MYDGF: variants seen among roughly 807,000 people sequenced by gnomAD.
The protein encoded by MYDGF is myeloid derived growth factor, also known as myeloid-derived growth factor.
Under a neutral mutation model 24.2 loss-of-function variants are expected in MYDGF, and 29 were observed. That is an observed-to-expected ratio of 1.20 (90% CI 0.89 to 1.63). MYDGF has a LOEUF of 1.63. Ranked by LOEUF, MYDGF falls within the 40% of genes most tolerant of loss-of-function variation. The pLI is 0.00. For synonymous variants in MYDGF, 105 were observed against 102.5 expected (o/e 1.02, Z -0.15); for missense variants, 245 against 234.8 (o/e 1.04, Z -0.29).
chr19:4,667,462 G>T (rs2088530666), intron 2 of MYDGF, among the ~76,000 whole-genome samples: 1 of 152,148 alleles, frequency 6.6e-6, no homozygotes, highest in African/African-American at 2.4e-5. Context: ...AGTAGAGACG[G>T]GGTTTCACCA....
chr19:4,660,034 G>T, intron 4 of MYDGF, 31 bp from the exon 5 acceptor site: 1 of 1,586,632 alleles, frequency 6.3e-7, no homozygotes. Flanking sequence ...ACTTTACCAG[G>T]GCCAGTTCAA....
At chr19:4,662,226 G>A (rs1374532027) in intron 3 of MYDGF, among the ~76,000 whole-genome samples, 2 of 152,158 alleles carry the variant, frequency 1.3e-5, no homozygotes, top group African/African-American at 4.8e-5. Flanking sequence ...GTTAAACGTC[G>A]CCACTCCCTG....
intron 3 of MYDGF, among the ~76,000 whole-genome samples, chr19:4,661,333 G>A (rs2088469436): frequency 6.6e-6 from 1 of 152,226 alleles, no homozygotes; most frequent in African/African-American, 2.4e-5. Context: ...GCTGGGAGCT[G>A]CTCTGGGACA....
chr19:4,669,812 C>T (rs988280926), intron 1 of MYDGF, among the ~76,000 whole-genome samples: 1 of 152,076 alleles, frequency 6.6e-6, no homozygotes, highest in African/African-American at 2.4e-5. Flanking sequence ...GGGCAGATGC[C>T]CTTTAGCCTC....
chr19:4,657,583 A>G lies in MYDGF; in HGVS notation c.*422T>C. ...TTCTTATTTATTTAAATATGAAAAA[A>G]CATTTCATCTCTTCCCAGTTCATCT... On this transcript the variant is annotated 3_prime_UTR_variant, in exon 6 of 6. Coordinates refer to ENST00000262947, the MANE Select transcript of MYDGF (RefSeq NM_019107.4). 1 of 154,572 alleles carries G rather than the reference A, an allele frequency of 6.5e-6. No individual in the cohort carries two copies. The allele number at this position is 154,572 out of a possible 1,614,324, so 9.6% of individuals were successfully genotyped here. A position where few individuals can be genotyped will look rare whatever the true frequency, so the allele number is the denominator to read the frequency against.
chr19:4,670,102 C>T, intron 1 of MYDGF, 59 bp downstream of exon 1: 2 of 1,404,818 alleles, frequency 1.4e-6, no homozygotes, highest in African/African-American at 3.0e-5. Context: ...CCCCAATGCT[C>T]CGCGCCCCCT....
chr19:4,660,091 A>C (rs1245443397), intron 4 of MYDGF, 88 bp from the exon 5 acceptor site: 2 of 1,284,404 alleles, frequency 1.6e-6, no homozygotes, highest in African/African-American at 2.9e-5. Context: ...AGAGAAGCAC[A>C]GACTAAAGCT....
At chr19:4,668,255 A>G (rs978222576) in intron 2 of MYDGF, among the ~76,000 whole-genome samples, 4 of 152,186 alleles carry the variant, frequency 2.6e-5, no homozygotes, top group African/African-American at 9.7e-5. Flanking sequence ...CTACAAAGCT[A>G]TGAGATAATA....
In MYDGF at chr19:4,670,202, C is replaced by G. The variant is rs770110662; in HGVS notation, c.133G>C (p.Gly45Arg). 6.4e-7 allele frequency: 1 copy of G among 1,559,966 alleles called. No homozygotes were observed. ...PTTVAFDVRPGGVVHSFSHNV... is the reference protein window; with the variant it reads ...PTTVAFDVRPRGVVHSFSHNV... Reference sequence around the variant, plus strand: ...TGGGAGAAGGAATGCACGACGCCGCCGGGCCGCACGTCAAACGCCACCGTC... The same window carrying G: ...TGGGAGAAGGAATGCACGACGCCGCGGGGCCGCACGTCAAACGCCACCGTC... The change falls in exon 1 of 6, where the codon GGC (glycine) becomes CGC (arginine). Residue 45 changes from glycine to arginine, a missense_variant. Gly to Arg is a moderately radical substitution (Grantham distance 125, BLOSUM62 -2). Coordinates refer to ENST00000262947, the MANE Select transcript of MYDGF (RefSeq NM_019107.4).
In MYDGF at chr19:4,657,813, C is replaced by G. The variant is rs919952714; in HGVS notation, c.*192G>C. ...GAGAAGCTGTTGGGAGCCAGGAGGG[C>G]CCTGGACCCTCTGTTCTCTGCCCCA... On this transcript the variant is annotated 3_prime_UTR_variant, in exon 6 of 6. Transcript: ENST00000262947. 2 of 521,034 alleles carry G rather than the reference C, an allele frequency of 3.8e-6. No homozygotes were observed. Among genetic ancestry groups the G allele is most frequent in the Non-Finnish European group, 6.9e-6 (2 of 290,318 alleles). 32.3% of individuals were successfully genotyped at this position (521,034 alleles called of 1,614,324 possible).
At position 4,657,725 on chromosome 19, in the gene MYDGF, AC is replaced by A; in HGVS notation, c.*279del. On this transcript the variant is annotated 3_prime_UTR_variant, in exon 6 of 6. Transcript: ENST00000262947. The stretch of plus-strand genomic sequence containing the variant: ...CCCCAGCATAGCCCCCATGTTCCCC[AC>A]CCTCTTTGTGCCCCGGATCTGCGAT... 3.2e-6 allele frequency: 1 copy of A among 307,714 alleles called. No individual in the cohort carries two copies. Among genetic ancestry groups the A allele is most frequent in the Non-Finnish European group, 6.1e-6 (1 of 164,866 alleles). 19.1% of individuals were successfully genotyped at this position (307,714 alleles called of 1,614,324 possible).
At chr19:4,670,082 C>A in intron 1 of MYDGF, 79 bp downstream of exon 1, 1 of 1,360,004 alleles carries the variant, frequency 7.4e-7, no homozygotes, top group Non-Finnish European at 9.6e-7. Context: ...GCCCCCTCCT[C>A]GGGCCCCGCC....
At chr19:4,668,685 AT>A in intron 1 of MYDGF, 40 bp from the exon 2 acceptor site, 1 of 1,571,128 alleles carries the variant, frequency 6.4e-7, no homozygotes, top group Non-Finnish European at 8.7e-7. Context: ...GTAGAAGGAA[AT>A]TTTTATTTTG....
At chr19:4,662,163 G>A (rs904969223) in intron 3 of MYDGF, among the ~76,000 whole-genome samples, 1 of 152,162 alleles carries the variant, frequency 6.6e-6, no homozygotes, top group Admixed American at 6.5e-5. Context: ...GCGCCCCGCA[G>A]GGCACGGCGG....
At chr19:4,663,340 C>T (rs1277997421) in intron 3 of MYDGF, among the ~76,000 whole-genome samples, 2 of 144,004 alleles carry the variant, frequency 1.4e-5, no homozygotes, top group African/African-American at 5.3e-5. Context: ...TCCCATCCAC[C>T]CCATCCTCAT....
Position 4,670,062 on chromosome 19 carries a change from C to G in MYDGF, c.174+99G>C, listed in dbSNP as rs73537592. On this transcript the variant is annotated intron_variant, in intron 1 of 5. Coordinates refer to ENST00000262947, the MANE Select transcript of MYDGF (RefSeq NM_019107.4). ...GCACCCCTTCTTCAGTACCCACCTC[C>G]GCGGTCCGCGCCCCCTCCTCGGGCC... 828 of 1,289,250 alleles carry G rather than the reference C, an allele frequency of 6.4e-4. 4 individuals carry two copies. The African/African-American group carries it at 0.012, about 18-fold the overall frequency. The allele number at this position is 1,289,250 out of a possible 1,614,324, so 79.9% of individuals were successfully genotyped here.
At chr19:4,664,207 T>C (rs117358538) in intron 3 of MYDGF, among the ~76,000 whole-genome samples, 2,160 of 152,106 alleles carry the variant, frequency 0.014, 22 homozygotes, top group Non-Finnish European at 0.021. Flanking sequence ...AGAGTTTATT[T>C]TCAGGGGATG....
intron 2 of MYDGF, among the ~76,000 whole-genome samples, chr19:4,667,202 C>T (rs1197050823): frequency 2.0e-5 from 3 of 146,718 alleles, no homozygotes; most frequent in East Asian, 2.0e-4. Flanking sequence ...GATCTTGGCT[C>T]GCTGCAAGCT....
At chr19:4,668,957 C>A (rs1025944020) in intron 1 of MYDGF, among the ~76,000 whole-genome samples, 8 of 151,896 alleles carry the variant, frequency 5.3e-5, no homozygotes, top group Admixed American at 5.2e-4. Context: ...GATTCTCCTG[C>A]CTCAGCCTCC....
Sources: allele counts gnomAD v4.1 joint callset (sites outside exome capture counted in the v4.1 genomes callset), GRCh38; gene constraint gnomAD v4.1.1; transcripts MANE v1.5; gene names NCBI Gene and HGNC (gene_info 2026-07-23, HGNC 2026-07-21).